Variants in CFAP69 observed in about 807,000 individuals in gnomAD.
CFAP69 encodes the protein cilia and flagella associated protein 69.
Under a neutral mutation model 123.0 loss-of-function variants are expected in CFAP69, and 92 were observed. The observed-to-expected ratio is 0.75, with a 90% confidence interval of 0.63 to 0.89. The LOEUF (loss-of-function observed/expected upper bound fraction) is 0.89, where lower values mean the gene tolerates loss of function less well. Ranked by LOEUF, CFAP69 falls within the 40% of genes least tolerant of loss-of-function variation. The pLI, the probability that CFAP69 is intolerant of heterozygous loss-of-function variation, is 0.00. For synonymous variants in CFAP69, 380 were observed against 364.3 expected (o/e 1.04, Z -0.49); for missense variants, 1,067 against 1,096.9 (o/e 0.97, Z 0.39).
chr7:90,272,627 A>C (rs889883319), intron 8 of CFAP69, among the ~76,000 whole-genome samples: 1 of 152,136 alleles, frequency 6.6e-6, no homozygotes, highest in African/African-American at 2.4e-5. Context: ...ATTTAACTAC[A>C]AAGTCAAGGA....
intron 3 of CFAP69, 90 bp downstream of exon 3, chr7:90,258,253 T>A: frequency 1.1e-6 from 1 of 910,268 alleles, no homozygotes; most frequent in Non-Finnish European, 1.7e-6. Context: ...ATTGCTGTTG[T>A]AACAAATTAC....
At chr7:90,270,630 A>C (rs1009413920) in intron 6 of CFAP69, among the ~76,000 whole-genome samples, 3 of 152,128 alleles carry the variant, frequency 2.0e-5, no homozygotes, top group Non-Finnish European at 4.4e-5. Flanking sequence ...GATCATATTT[A>C]CAAAGATAAG....
the CFAP69 span, chr7:90,321,181 A>G: frequency 6.6e-6 from 1 of 152,226 alleles, no homozygotes; most frequent in African/African-American, 2.4e-5. Context: ...CCGGGCGCCC[A>G]AGCTCGCTCA....
intron 9 of CFAP69, among the ~76,000 whole-genome samples, chr7:90,275,201 TTATC>T (rs1175033073): frequency 6.6e-6 from 1 of 152,196 alleles, no homozygotes; most frequent in Non-Finnish European, 1.5e-5. Context: ...CTGAGAGTTC[TTATC>T]TTTCTATTCA....
At chr7:90,258,028 G>A (rs1797857128) in intron 2 of CFAP69, 70 bp from the exon 3 acceptor site, 1 of 1,023,950 alleles carries the variant, frequency 9.8e-7, no homozygotes, top group Non-Finnish European at 1.5e-6. Context: ...CTACTTTTAT[G>A]TTGAAGAATT....
rs1584265887 is a variant in CFAP69 at position 90,245,691 on chromosome 7, C to A, written c.120+147C>A. 2.7e-6 allele frequency: 3 copies of A among 1,101,636 alleles called. No homozygotes were observed. The East Asian group carries it at 8.8e-5, about 32-fold the overall frequency. The allele number at this position is 1,101,636 out of a possible 1,614,324, so 68.2% of individuals were successfully genotyped here. ...CGGGATGGAGATTCCAAGCGCAGAGCTAATCCTGATCCCCCACCCCCTGCG... is the reference window on the plus strand; with the variant it reads ...CGGGATGGAGATTCCAAGCGCAGAGATAATCCTGATCCCCCACCCCCTGCG... On this transcript the variant is annotated intron_variant, in intron 1 of 22. Transcript: ENST00000389297.
chr7:90,268,216 T>C lies in CFAP69; in HGVS notation c.434-70T>C, dbSNP rs1237604889. 7 of 919,258 alleles carry C rather than the reference T, an allele frequency of 7.6e-6. No individual in the cohort carries two copies. The Admixed American group carries it at 1.5e-4, about 20-fold the overall frequency. 56.9% of individuals were successfully genotyped at this position (919,258 alleles called of 1,614,324 possible). A position where few individuals can be genotyped will look rare whatever the true frequency, so the allele number is the denominator to read the frequency against. On this transcript the variant is annotated intron_variant, in intron 5 of 22. Coordinates refer to ENST00000389297, the MANE Select transcript of CFAP69 (RefSeq NM_001039706.3). ...TTAATAATCATCATATTATTAACAT[T>C]TTATGCCTAAATTCTACAAATAAGC...
At position 90,300,025 on chromosome 7, in the gene CFAP69, A is replaced by G. The variant is rs1284158434; in HGVS notation, c.2016A>G (p.Leu672=). The stretch of plus-strand genomic sequence containing the variant: ...TGTGGAGAAAGGAGGAAAAAGAACT[A>G]GGAGTAAAACGTGATAAAAATGGGA... ...IKLWRKEEKE[L]GVKRDKNGKI... The change falls in exon 17 of 23, where the codon CTA becomes CTG. Residue 672 remains leucine, a synonymous_variant. Transcript: ENST00000389297. 6.2e-7 allele frequency: 1 copy of G among 1,606,770 alleles called. No individual in the cohort carries two copies. The highest frequency in any genetic ancestry group is 1.3e-5 in the African/African-American group (1 of 74,656).
chr7:90,281,536 G>A (rs936668567), intron 12 of CFAP69, among the ~76,000 whole-genome samples: 2 of 152,100 alleles, frequency 1.3e-5, no homozygotes, highest in African/African-American at 2.4e-5. Flanking sequence ...TGGTGTTGGG[G>A]CAGTTGGTCC....
At chr7:90,266,152 A>T (rs1369644037) in intron 5 of CFAP69, 1 of 152,166 alleles carries the variant, frequency 6.6e-6, no homozygotes, top group African/African-American at 2.4e-5. Context: ...ATATAGAAAG[A>T]TGTTAGAGAT....
intron 16 of CFAP69, among the ~76,000 whole-genome samples, chr7:90,298,389 C>T (rs1479012868): frequency 6.6e-6 from 1 of 152,156 alleles, no homozygotes; most frequent in African/African-American, 2.4e-5. Flanking sequence ...CCCTTACTAG[C>T]CTCAATTCTA....
At chr7:90,304,398 G>C (rs1258248239) in intron 18 of CFAP69, 23 of 1,203,570 alleles carry the variant, frequency 1.9e-5, no homozygotes, top group Non-Finnish European at 2.2e-5. Flanking sequence ...GACATTCTGA[G>C]TCACTTGAGT....
chr7:90,261,160 A>T (rs923247464), intron 3 of CFAP69, among the ~76,000 whole-genome samples: 1 of 151,886 alleles, frequency 6.6e-6, no homozygotes. Flanking sequence ...GCTCACTGCA[A>T]TCTCCGCCTC....
chr7:90,299,495 T>C (rs776654235), intron 16 of CFAP69, among the ~76,000 whole-genome samples: 6 of 152,122 alleles, frequency 3.9e-5, no homozygotes, highest in Non-Finnish European at 1.5e-5. Context: ...TAATAAAGCA[T>C]ATAAATTGGA....
In CFAP69 at chr7:90,245,520, G is replaced by T. The variant is rs751564713; in HGVS notation, c.96G>T (p.Val32=). ...SSSSQIPVVG[V]VTEDDEAQDV... is the part of the protein sequence containing the mutation. ...CCAGTCAAATCCCGGTGGTTGGGGT[G>T]GTGACGGAGGACGATGAGGCGCAGG... is the stretch of plus-strand genomic sequence containing the variant. The change falls in exon 1 of 23, where the codon GTG becomes GTT. Residue 32 remains valine, a synonymous_variant. Coordinates refer to ENST00000389297, the MANE Select transcript of CFAP69 (RefSeq NM_001039706.3). The T allele has an allele frequency of 2.6e-6, 4 of 1,521,980 alleles. No individual in the cohort carries two copies. The highest frequency in any genetic ancestry group is 3.5e-6 in the Non-Finnish European group (4 of 1,138,050). The allele number at this position is 1,521,980 out of a possible 1,614,324, so 94.3% of individuals were successfully genotyped here.
chr7:90,300,594 A>AT, intron 17 of CFAP69: 1 of 409,510 alleles, frequency 2.4e-6, no homozygotes, highest in Non-Finnish European at 3.3e-6. Context: ...TTACAGTATC[A>AT]TAATTTTTAG....
Position 90,245,440 on chromosome 7 carries a change from G to C in CFAP69, c.16G>C (p.Ala6Pro), listed in dbSNP as rs1386818909. 16 of 1,561,270 alleles carry C rather than the reference G, an allele frequency of 1.0e-5. No homozygotes were observed. The highest frequency in any genetic ancestry group is 1.4e-5 in the Non-Finnish European group (16 of 1,155,546). Reference protein sequence around the residue: MWTEEAGATAEAQESG... With the variant: MWTEEPGATAEAQESG... ...GCCACCGGCCATGTGGACAGAGGAAGCCGGGGCGACCGCCGAGGCCCAGGA... is the reference window on the plus strand; with the variant it reads ...GCCACCGGCCATGTGGACAGAGGAACCCGGGGCGACCGCCGAGGCCCAGGA... Residue 6 changes from alanine (A) to proline (P), a missense_variant, in exon 1 of 23, where the codon GCC becomes CCC. Physicochemically the swap from Ala to Pro is conservative, Grantham distance 27. Transcript: ENST00000389297.
At chr7:90,285,836 A>G (rs1024096262) in intron 13 of CFAP69, among the ~76,000 whole-genome samples, 2 of 152,232 alleles carry the variant, frequency 1.3e-5, no homozygotes, top group Admixed American at 6.5e-5. Context: ...CTTTAATGAC[A>G]TACTGTTAAT....
intron 16 of CFAP69, among the ~76,000 whole-genome samples, chr7:90,299,577 T>G (rs922354671): frequency 6.6e-6 from 1 of 152,144 alleles, no homozygotes; most frequent in African/African-American, 2.4e-5. Flanking sequence ...CATCTTCACT[T>G]ATTTGTGCAA....
Sources: gnomAD v4.1 joint callset for allele counts (sites outside exome capture counted in the v4.1 genomes callset) on GRCh38, gnomAD v4.1.1 for gene constraint, MANE v1.5 for transcripts, NCBI Gene and HGNC (gene_info 2026-07-23, HGNC 2026-07-21) for gene names.